DNAAF4: variants seen among roughly 807,000 people sequenced by gnomAD.
DNAAF4 encodes the protein dynein assembly factor 4, axonemal.
Under a neutral mutation model 51.8 loss-of-function variants are expected in DNAAF4, and 43 were observed. That is an observed-to-expected ratio of 0.83 (90% CI 0.65 to 1.07). The LOEUF (loss-of-function observed/expected upper bound fraction) is 1.07. Among genes scored for constraint, DNAAF4 ranks in the 50% least tolerant of loss-of-function variants. The pLI is 0.00. For synonymous variants in DNAAF4, 194 were observed against 165.6 expected (o/e 1.17, Z -1.32); for missense variants, 581 against 493.0 (o/e 1.18, Z -1.69).
intron 4 of DNAAF4, among the ~76,000 whole-genome samples, chr15:55,484,262 T>A (rs147809844): frequency 6.6e-6 from 1 of 151,956 alleles, no homozygotes; most frequent in South Asian, 2.1e-4. Flanking sequence ...GACAGGTGAA[T>A]CACGAGGTCA....
chr15:55,465,080 A>G (rs905261535), intron 5 of DNAAF4, among the ~76,000 whole-genome samples: 2 of 152,226 alleles, frequency 1.3e-5, no homozygotes, highest in Non-Finnish European at 2.9e-5. Flanking sequence ...AAGAATGACC[A>G]TAATTTAAAA....
intron 4 of DNAAF4, among the ~76,000 whole-genome samples, chr15:55,484,067 T>G (rs2058451570): frequency 6.6e-6 from 1 of 151,906 alleles, no homozygotes; most frequent in Non-Finnish European, 1.5e-5. Flanking sequence ...TTAGGATGGC[T>G]ACTCTCAAAA....
intron 7 of DNAAF4, among the ~76,000 whole-genome samples, chr15:55,436,518 G>A (rs7174313): frequency 0.12 from 17,583 of 151,964 alleles, 1,542 homozygotes; most frequent in African/African-American, 0.24. Context: ...CAGATTAGCT[G>A]GGATTACAGG....
chr15:55,466,874 G>T, intron 5 of DNAAF4, 56 bp downstream of exon 5: 1 of 1,564,318 alleles, frequency 6.4e-7, no homozygotes, highest in Non-Finnish European at 8.6e-7. Context: ...AAAGAAAAGC[G>T]TCATATATAC....
chr15:55,432,387 C>G (rs1252160248), intron 9 of DNAAF4, 110 bp downstream of exon 9: 1 of 721,464 alleles, frequency 1.4e-6, no homozygotes, highest in Non-Finnish European at 2.2e-6. Context: ...AAATTAAATG[C>G]TAAAAATATT....
intron 4 of DNAAF4, among the ~76,000 whole-genome samples, chr15:55,489,746 T>G (rs1262994981): frequency 6.6e-6 from 1 of 151,696 alleles, no homozygotes; most frequent in East Asian, 1.9e-4. Flanking sequence ...CATAAACTGT[T>G]GATAATAGAA....
At chr15:55,428,727 C>T (rs2057457113), downstream of DNAAF4, among the ~76,000 whole-genome samples, 2 of 149,530 alleles carry the variant, frequency 1.3e-5, no homozygotes, top group South Asian at 4.2e-4. Context: ...GATCTCCTGA[C>T]CTTGTGATCT....
In DNAAF4 at chr15:55,473,198, A is replaced by AAAAAATATATATAT. The variant is rs1209754897; in HGVS notation, c.406-6038_406-6037insATATATATATTTTT. ...ACAAAAAAAAAACCTAAAAAAAAAA[A>AAAAAATATATATAT]ATATATATATATATATATATATATG... is the stretch of plus-strand genomic sequence containing the variant. On this transcript the variant is annotated intron_variant, in intron 4 of 9. Coordinates refer to ENST00000321149, the MANE Select transcript of DNAAF4 (RefSeq NM_130810.4). Among the ~76,000 whole-genome samples, 29 of 75,736 alleles carry AAAAAATATATATAT rather than the reference A, an allele frequency of 3.8e-4. 3 individuals are homozygous for AAAAAATATATATAT. Among genetic ancestry groups the AAAAAATATATATAT allele is most frequent in the Middle Eastern group, 8.8e-3 (1 of 114 alleles). The allele number at this position is 75,736 out of a possible 152,430, so 49.7% of individuals were successfully genotyped here. A position where few individuals can be genotyped will look rare whatever the true frequency, so the allele number is the denominator to read the frequency against.
rs536333961 is a variant in DNAAF4, at chr15:55,484,209, C to T, written c.405+6914G>A. Among the ~76,000 whole-genome samples the T allele has an allele frequency of 1.4e-4, 21 of 152,098 alleles. No individual in the cohort carries two copies. The South Asian group carries it at 2.5e-3, about 18-fold the overall frequency. On this transcript the variant is annotated intron_variant, in intron 4 of 9. Transcript: ENST00000321149. ...CTCAAAAAATTAAAAATAGGCCGGG[C>T]GCGGTGGCTCATGCCTGTAATCCCA...
intron 6 of DNAAF4, among the ~76,000 whole-genome samples, chr15:55,444,908 C>G (rs1464885629): frequency 6.6e-6 from 1 of 151,938 alleles, no homozygotes; most frequent in East Asian, 1.9e-4. Context: ...TATCCTGAGA[C>G]TTTGCTGAAG....
At chr15:55,434,467 C>T (rs944222981) in intron 8 of DNAAF4, among the ~76,000 whole-genome samples, 1 of 152,052 alleles carries the variant, frequency 6.6e-6, no homozygotes, top group African/African-American at 2.4e-5. Flanking sequence ...TCAAGACATA[C>T]ACAGTAAATA....
intron 4 of DNAAF4, among the ~76,000 whole-genome samples, chr15:55,486,718 A>T (rs539163233): frequency 9.2e-5 from 14 of 151,916 alleles, no homozygotes; most frequent in Non-Finnish European, 1.0e-4. Context: ...TGCGAGGTCA[A>T]TGTAGTGAGC....
intron 4 of DNAAF4, among the ~76,000 whole-genome samples, chr15:55,481,649 G>C (rs1209557750): frequency 6.6e-6 from 1 of 152,078 alleles, no homozygotes; most frequent in Non-Finnish European, 1.5e-5. Context: ...TAATCCGCAC[G>C]AAGCAATTAC....
intron 7 of DNAAF4, among the ~76,000 whole-genome samples, chr15:55,421,837 C>A (rs753934118): frequency 6.6e-6 from 1 of 150,576 alleles, no homozygotes; most frequent in African/African-American, 2.4e-5. Flanking sequence ...TGCGGTGAGC[C>A]GATATCACAC....
intron 4 of DNAAF4, among the ~76,000 whole-genome samples, chr15:55,478,269 C>T (rs1337161201): frequency 6.6e-6 from 1 of 152,206 alleles, no homozygotes; most frequent in Non-Finnish European, 1.5e-5. Flanking sequence ...GCATTTCACC[C>T]CTCCTTTAAC....
At position 55,469,781 on chromosome 15, in the gene DNAAF4, C is replaced by T. The variant is rs940504541; in HGVS notation, c.406-2620G>A. On this transcript the variant is annotated intron_variant, in intron 4 of 9. Transcript: ENST00000321149. ...CTGGGATTACAGGCGTGAGCCACTG[C>T]GCCCGGCCTATGCTTACCAATTCTC... is the stretch of plus-strand genomic sequence containing the variant. 6.6e-5 allele frequency among the ~76,000 whole-genome samples: 10 copies of T among 151,974 alleles called. No homozygotes were observed. The East Asian group carries it at 1.4e-3, about 21-fold the overall frequency.
chr15:55,491,764 AATAAT>A (rs913753434), intron 3 of DNAAF4, among the ~76,000 whole-genome samples: 11 of 142,194 alleles, frequency 7.7e-5, no homozygotes, highest in African/African-American at 2.3e-4. Flanking sequence ...AATAGTATAT[AATAAT>A]ATAATAGGTA....
At chr15:55,481,253 AG>A (rs1243714804) in intron 4 of DNAAF4, among the ~76,000 whole-genome samples, 1 of 152,174 alleles carries the variant, frequency 6.6e-6, no homozygotes, top group Non-Finnish European at 1.5e-5. Flanking sequence ...CTAGAGGGAA[AG>A]CACTGTTTTC....
chr15:55,451,126 G>A (rs1032698933), intron 5 of DNAAF4, among the ~76,000 whole-genome samples: 1 of 152,044 alleles, frequency 6.6e-6, no homozygotes, highest in Non-Finnish European at 1.5e-5. Context: ...ACTAGGAAAG[G>A]GTCTTGACTA....
Sources: gnomAD v4.1 joint callset for allele counts (sites outside exome capture counted in the v4.1 genomes callset) on GRCh38, gnomAD v4.1.1 for gene constraint, MANE v1.5 for transcripts, NCBI Gene and HGNC (gene_info 2026-07-23, HGNC 2026-07-21) for gene names.